Variants in SMO observed in about 807,000 individuals in gnomAD.
SMO encodes the protein smoothened, frizzled class receptor, also known as protein smoothened.
In SMO, 40 loss-of-function variants were observed where a neutral mutation model predicts 81.6. That is an observed-to-expected ratio of 0.49 (90% confidence interval 0.38 to 0.64). The LOEUF (loss-of-function observed/expected upper bound fraction) is 0.64, where lower values mean the gene tolerates loss of function less well. SMO is among the 30% of genes least tolerant of loss of function. The probability of loss-of-function intolerance (pLI) is 0.00; values close to 1 mark genes in which losing one functional copy is unlikely to be tolerated. For missense variants in SMO, 916 were observed against 1,061.1 expected, an observed-to-expected ratio of 0.86 and a Z score of 1.90; for synonymous variants, 434 against 432.1, an observed-to-expected ratio of 1.00 and a Z score of -0.05.
chr7:129,204,739 C>T (rs915230091), intron 2 of SMO, among the ~76,000 whole-genome samples: 7 of 152,020 alleles, frequency 4.6e-5, no homozygotes, highest in African/African-American at 1.4e-4. Context: ...GGAAACTGGC[C>T]GGGCGCAGTG....
chr7:129,203,102 T>G (rs1793696657), intron 1 of SMO, among the ~76,000 whole-genome samples: 1 of 152,150 alleles, frequency 6.6e-6, no homozygotes, highest in Non-Finnish European at 1.5e-5. Flanking sequence ...TCCCTTCTAG[T>G]CACCGTCCCT....
intron 1 of SMO, among the ~76,000 whole-genome samples, chr7:129,195,562 G>C (rs976862036): frequency 6.6e-6 from 1 of 152,086 alleles, no homozygotes; most frequent in Non-Finnish European, 1.5e-5. Context: ...ATTTGTAGGA[G>C]TTCTTTATAT....
At position 129,206,155 on chromosome 7, in the gene SMO, A is replaced by G. The variant is rs555149421; in HGVS notation, c.926A>G (p.Asn309Ser). The part of the protein sequence containing the change: ...GTMRLGEPTS[N>S]ETLSCVIIFV... Reference sequence around the variant, plus strand: ...CACCTCACCTCTCTGCACAGCTCCAATGAGACTCTGTCCTGCGTCATCATC... The same window carrying G: ...CACCTCACCTCTCTGCACAGCTCCAGTGAGACTCTGTCCTGCGTCATCATC... Residue 309 changes from asparagine (N) to serine (S), a missense_variant, in exon 5 of 12, where the codon AAT becomes AGT. By Grantham distance (46) the Asn-to-Ser change is conservative. This residue lies in a region of SMO where 436 missense variants were observed against 570.9 expected (regional missense o/e 0.76). Coordinates refer to ENST00000249373, the MANE Select transcript of SMO (RefSeq NM_005631.5). The surrounding 1 kb of genome is among the most constrained non-coding windows in gnomAD (Gnocchi z 4.4). The G allele has an allele frequency of 3.0e-5, 48 of 1,599,978 alleles. No individual in the cohort carries two copies. Among genetic ancestry groups the G allele is most frequent in the East Asian group, 1.1e-4 (5 of 44,810 alleles).
rs369335907 is a variant in SMO, at chr7:129,203,559, C to T, written c.507C>T (p.Cys169=). 121 of 1,603,024 alleles carry T rather than the reference C, an allele frequency of 7.5e-5. No homozygotes were observed. The highest frequency in any genetic ancestry group is 9.1e-5 in the Non-Finnish European group (107 of 1,179,658). The change falls in exon 2 of 12, where the codon TGC becomes TGT. Residue 169 remains cysteine, a synonymous_variant. Coordinates refer to ENST00000249373, the MANE Select transcript of SMO (RefSeq NM_005631.5). ...RERGWPDFLR[C]TPDRFPEGCT... ...GGGGCTGGCCTGACTTCCTGCGCTG[C>T]ACTCCTGACCGCTTCCCTGAAGGCT...
Position 129,211,459 on chromosome 7 carries a change from T to C in SMO, c.1802-177T>C, listed in dbSNP as rs1375250880. ...CCTCCAGTTAGGCCCTTTGGGGACGTGAGGCCCTTCTCTTCAGATTCTGAA... is the reference window on the plus strand; with the variant it reads ...CCTCCAGTTAGGCCCTTTGGGGACGCGAGGCCCTTCTCTTCAGATTCTGAA... On this transcript the variant is annotated intron_variant, in intron 10 of 11. Coordinates refer to ENST00000249373, the MANE Select transcript of SMO (RefSeq NM_005631.5). The surrounding 1 kb of genome is among the most constrained non-coding windows in gnomAD (Gnocchi z 4.6). 1 of 768,738 alleles carries C rather than the reference T, an allele frequency of 1.3e-6. No homozygotes were observed. Among genetic ancestry groups the C allele is most frequent in the Non-Finnish European group, 2.3e-6 (1 of 444,344 alleles). 47.6% of individuals were successfully genotyped at this position (768,738 alleles called of 1,614,324 possible).
chr7:129,210,380 C>A lies in SMO; in HGVS notation c.1484C>A (p.Thr495Asn), dbSNP rs891306097. 1 of 1,614,008 alleles carries A rather than the reference C, an allele frequency of 6.2e-7. No homozygotes were observed. Among genetic ancestry groups the A allele is most frequent in the Non-Finnish European group, 8.5e-7 (1 of 1,179,824 alleles). ...CACTGTAGATGTCAGGCCAATGTGA[C>A]CATCGGGCTGCCCACCAAGCAGCCC... ...RDYVLCQANV[T>N]IGLPTKQPIP... The change falls in exon 9 of 12, where the codon ACC becomes AAC. Residue 495 changes from threonine (T) to asparagine (N), a missense_variant. Around this residue, in one of 4 missense-constraint regions of SMO, gnomAD observed 436 missense variants for 570.9 expected, o/e 0.76. Transcript: ENST00000249373. This position sits in a 1 kb window ranked among gnomAD's most constrained non-coding sequence, Gnocchi z 4.7.
chr7:129,203,353 G>T (rs1416720611), intron 1 of SMO, 31 bp from the exon 2 acceptor site: 4 of 1,498,534 alleles, frequency 2.7e-6, no homozygotes, highest in Non-Finnish European at 3.6e-6. Flanking sequence ...GTGAGGAGGG[G>T]CCTTCACTGC....
At position 129,212,682 on chromosome 7, in the gene SMO, C is replaced by T; in HGVS notation, c.*231C>T. 1.8e-6 allele frequency: 1 copy of T among 565,358 alleles called. No homozygotes were observed. Among genetic ancestry groups the T allele is most frequent in the South Asian group, 2.3e-5 (1 of 43,508 alleles). The allele number at this position is 565,358 out of a possible 1,614,324, so 35.0% of individuals were successfully genotyped here. ...GGACAGGGCCCTGGAGCTCAGGGTCCTTGTTTCTGCCCTGCCAGCTGCAGC... is the reference window on the plus strand; with the variant it reads ...GGACAGGGCCCTGGAGCTCAGGGTCTTTGTTTCTGCCCTGCCAGCTGCAGC... On this transcript the variant is annotated 3_prime_UTR_variant, in exon 12 of 12. Transcript: ENST00000249373. The surrounding 1 kb of genome is among the most constrained non-coding windows in gnomAD (Gnocchi z 5.0).
At position 129,199,815 on chromosome 7, in the gene SMO, C is replaced by T. The variant is rs145996182; in HGVS notation, c.332-3569C>T. On this transcript the variant is annotated intron_variant, in intron 1 of 11. Transcript: ENST00000249373. The stretch of plus-strand genomic sequence containing the variant: ...AATACAAATGTGGAATAAACTACAA[C>T]GAAATATTCTTTTTTTAAACTTTTA... Among the ~76,000 whole-genome samples the T allele has an allele frequency of 2.6e-3, 397 of 152,184 alleles. 2 individuals are homozygous for T. Among genetic ancestry groups the T allele is most frequent in the Middle Eastern group, 6.8e-3 (2 of 292 alleles).
intron 1 of SMO, among the ~76,000 whole-genome samples, chr7:129,192,567 C>T (rs866175665): frequency 2.6e-5 from 4 of 152,158 alleles, no homozygotes; most frequent in Middle Eastern, 3.4e-3. Flanking sequence ...GTTGAAGTAG[C>T]CCAAGTAAGA....
chr7:129,196,791 G>A (rs1584656039), intron 1 of SMO, among the ~76,000 whole-genome samples: 1 of 151,994 alleles, frequency 6.6e-6, no homozygotes, highest in East Asian at 1.9e-4. Context: ...GCCAAGGCAG[G>A]GGGATCACGA....
intron 1 of SMO, among the ~76,000 whole-genome samples, chr7:129,195,280 T>C (rs1198538933): frequency 2.0e-5 from 3 of 152,244 alleles, no homozygotes; most frequent in African/African-American, 7.2e-5. Flanking sequence ...TTCAAAGTGG[T>C]TGTACTAACT....
Position 129,188,919 on chromosome 7 carries a change from C to T in SMO, c.-233C>T. ...CGAGGCTAGGGCTTGGGGAGTCGTG[C>T]ATCCCGTTCCGGGCCTCCGCAGCCC... On this transcript the variant is annotated 5_prime_UTR_variant, in exon 1 of 12. Coordinates refer to ENST00000249373, the MANE Select transcript of SMO (RefSeq NM_005631.5). The surrounding 1 kb of genome is among the most constrained non-coding windows in gnomAD (Gnocchi z 4.9). 2 of 338,534 alleles carry T rather than the reference C, an allele frequency of 5.9e-6. No homozygotes were observed. The highest frequency in any genetic ancestry group is 1.1e-5 in the Non-Finnish European group (2 of 187,114). 21.0% of individuals were successfully genotyped at this position (338,534 alleles called of 1,614,324 possible). A position where few individuals can be genotyped will look rare whatever the true frequency, so the allele number is the denominator to read the frequency against.
chr7:129,200,812 T>C (rs1274370471), intron 1 of SMO, among the ~76,000 whole-genome samples: 5 of 152,248 alleles, frequency 3.3e-5, no homozygotes, highest in African/African-American at 1.2e-4. Flanking sequence ...CTTGACTCAC[T>C]GCAACCTCCA....
At chr7:129,203,909 C>T (rs942495238) in intron 2 of SMO, among the ~76,000 whole-genome samples, 2 of 151,654 alleles carry the variant, frequency 1.3e-5, no homozygotes, top group South Asian at 2.1e-4. Context: ...GGAGTTAAGG[C>T]GCGAGCGTGT....
Position 129,205,271 on chromosome 7 carries a change from C to A in SMO, c.606C>A (p.Asn202Lys). The A allele has an allele frequency of 6.2e-7, 1 of 1,614,222 alleles. No homozygotes were observed. Among genetic ancestry groups the A allele is most frequent in the Admixed American group, 1.7e-5 (1 of 60,026 alleles). Residue 202 changes from asparagine to lysine, a missense_variant, in exon 3 of 12, where the codon AAC becomes AAA. By Grantham distance (94) the Asn-to-Lys change is moderately conservative (BLOSUM62 0). Coordinates refer to ENST00000249373, the MANE Select transcript of SMO (RefSeq NM_005631.5). ...QCEVPLVRTD[N>K]PKSWYEDVEG... ...AAGTGCCCTTGGTTCGGACAGACAA[C>A]CCCAAGAGCTGGTACGAGGACGTGG...
chr7:129,211,965 G>A lies in SMO; in HGVS notation c.1937-59G>A, dbSNP rs148130645. 1 of 1,497,854 alleles carries A rather than the reference G, an allele frequency of 6.7e-7. No individual in the cohort carries two copies. The highest frequency in any genetic ancestry group is 8.9e-7 in the Non-Finnish European group (1 of 1,120,642). The allele number at this position is 1,497,854 out of a possible 1,614,324, so 92.8% of individuals were successfully genotyped here. ...TAACAGGTTAAGTGCTCCCAGGGGAGCGGGGGTGGCATGGACAGAGCCAGG... is the reference window on the plus strand; with the variant it reads ...TAACAGGTTAAGTGCTCCCAGGGGAACGGGGGTGGCATGGACAGAGCCAGG... On this transcript the variant is annotated intron_variant, in intron 11 of 11. Coordinates refer to ENST00000249373, the MANE Select transcript of SMO (RefSeq NM_005631.5). The surrounding 1 kb of genome is among the most constrained non-coding windows in gnomAD (Gnocchi z 4.6).
chr7:129,189,581 C>T lies in SMO; in HGVS notation c.331+99C>T, dbSNP rs1584651531. On this transcript the variant is annotated intron_variant, in intron 1 of 11. Coordinates refer to ENST00000249373, the MANE Select transcript of SMO (RefSeq NM_005631.5). This position sits in a 1 kb window ranked among gnomAD's most constrained non-coding sequence, Gnocchi z 4.7. ...GCTCAGGCCTGAGTTTTGGAGAGGG[C>T]GGGGACAGCACCCGGGAGAGTTGGA... 1 of 1,309,328 alleles carries T rather than the reference C, an allele frequency of 7.6e-7. No homozygotes were observed. Among genetic ancestry groups the T allele is most frequent in the Non-Finnish European group, 1.0e-6 (1 of 961,002 alleles). 81.1% of individuals were successfully genotyped at this position (1,309,328 alleles called of 1,614,324 possible).
At position 129,208,965 on chromosome 7, in the gene SMO, G is replaced by T; in HGVS notation, c.1357+114G>T. On this transcript the variant is annotated intron_variant, in intron 7 of 11. Coordinates refer to ENST00000249373, the MANE Select transcript of SMO (RefSeq NM_005631.5). The surrounding 1 kb of genome is among the most constrained non-coding windows in gnomAD (Gnocchi z 5.2). ...AGTCAGTGGGACAAGTTAGCCATAGGGACAAGGACAAGGGGTGTGTGTAGG... is the reference window on the plus strand; with the variant it reads ...AGTCAGTGGGACAAGTTAGCCATAGTGACAAGGACAAGGGGTGTGTGTAGG... The T allele has an allele frequency of 2.8e-6, 2 of 719,548 alleles. No homozygotes were observed. Among genetic ancestry groups the T allele is most frequent in the African/African-American group, 1.7e-5 (1 of 57,846 alleles). 44.6% of individuals were successfully genotyped at this position (719,548 alleles called of 1,614,324 possible).
Sources: allele counts gnomAD v4.1 joint callset (sites outside exome capture counted in the v4.1 genomes callset), GRCh38; gene constraint gnomAD v4.1.1; regional missense constraint gnomAD v4.1.1; non-coding constraint Gnocchi (gnomAD v3.1); transcripts MANE v1.5; gene names NCBI Gene and HGNC (gene_info 2026-07-23, HGNC 2026-07-21).